The following PCDH7 variants were observed in gnomAD, a reference collection of about 807,000 sequenced individuals.
PCDH7 encodes the protein protocadherin 7, also known as protocadherin-7.
In PCDH7, 17 loss-of-function variants were observed where a neutral mutation model predicts 58.9. The observed-to-expected ratio is 0.29, with a 90% CI of 0.20 to 0.43. The LOEUF is 0.43. PCDH7 is among the 20% of genes least tolerant of loss of function. The probability of loss-of-function intolerance (pLI) is 1.00; values close to 1 mark genes in which losing one functional copy is unlikely to be tolerated. For missense variants in PCDH7, 1,274 were observed against 1,441.0 expected, an observed-to-expected ratio of 0.88 and a Z score of 1.88; for synonymous variants, 664 against 616.4, an observed-to-expected ratio of 1.08 and a Z score of -1.14.
chr4:30,909,315 C>G (rs922189190), intron 1 of PCDH7, among the ~76,000 whole-genome samples: 2 of 152,042 alleles, frequency 1.3e-5, no homozygotes, highest in Non-Finnish European at 1.5e-5. Context: ...AACATAGAAT[C>G]TGAAGTTCTG....
chr4:30,929,372 C>G (rs182649999), intron 2 of PCDH7, among the ~76,000 whole-genome samples: 106 of 152,178 alleles, frequency 7.0e-4, no homozygotes, highest in Admixed American at 2.2e-3. Context: ...TAAATCTTGT[C>G]TCTGATAAAT....
At position 30,944,581 on chromosome 4, in the gene PCDH7, TCAAA is replaced by T. The variant is rs1242018686; in HGVS notation, c.288-5537_288-5534del. On this transcript the variant is annotated intron_variant, in intron 2 of 3. Coordinates refer to the PCDH7 transcript ENST00000509759. ...ATATTTGATTGACAAAACTGAATAA[TCAAA>T]CTAATAAACCAATCCAGTGGGGGAG... is the stretch of plus-strand genomic sequence containing the variant. Among the ~76,000 whole-genome samples the T allele has an allele frequency of 9.9e-5, 15 of 152,206 alleles. No individual in the cohort carries two copies. The East Asian group carries it at 2.9e-3, about 29-fold the overall frequency.
At chr4:31,029,881 C>T (rs556032388) in intron 3 of PCDH7, among the ~76,000 whole-genome samples, 1 of 152,206 alleles carries the variant, frequency 6.6e-6, no homozygotes, top group Non-Finnish European at 1.5e-5. Context: ...CTTGGCAACT[C>T]TGTGGGTTCT....
chr4:30,820,630 G>T (rs1365788524), intron 1 of PCDH7, among the ~76,000 whole-genome samples: 1 of 151,812 alleles, frequency 6.6e-6, no homozygotes, highest in Non-Finnish European at 1.5e-5. Flanking sequence ...AAGGAATGAA[G>T]AAGTTTTGAG....
chr4:31,123,818 G>A (rs1262890050), intron 3 of PCDH7, among the ~76,000 whole-genome samples: 2 of 152,110 alleles, frequency 1.3e-5, no homozygotes, highest in African/African-American at 4.8e-5. Context: ...TGTGATGGGG[G>A]TCTGGAAAGA....
intron 3 of PCDH7, among the ~76,000 whole-genome samples, chr4:31,032,236 T>C (rs1301193629): frequency 6.6e-6 from 1 of 152,230 alleles, no homozygotes; most frequent in African/African-American, 2.4e-5. Flanking sequence ...ATCATACATC[T>C]AGAGAATCCT....
In PCDH7 at chr4:31,020,054, A is replaced by G. The variant is rs2109167394; in HGVS notation, c.*7+69839A>G. On this transcript the variant is annotated intron_variant, in intron 3 of 3. Transcript: ENST00000509759. ...GGTATTAAGGAAAAAATAGAAAAGT[A>G]AATGTATCCATGTGTAAAAACTATA... Among the ~76,000 whole-genome samples the G allele has an allele frequency of 1.3e-5, 2 of 152,300 alleles. 1 individual carries two copies. The highest frequency in any genetic ancestry group is 4.1e-4 in the South Asian group (2 of 4,824).
At chr4:30,873,802 G>T (rs1277980384) in intron 1 of PCDH7, among the ~76,000 whole-genome samples, 1 of 151,670 alleles carries the variant, frequency 6.6e-6, no homozygotes, top group Non-Finnish European at 1.5e-5. Flanking sequence ...AGTTTTGTGG[G>T]TTTGTTGCTT....
chr4:30,769,484 A>T (rs1381648233), intron 1 of PCDH7, among the ~76,000 whole-genome samples: 1 of 152,234 alleles, frequency 6.6e-6, no homozygotes, highest in African/African-American at 2.4e-5. Context: ...CTTCCCAGGT[A>T]GAGACTAAAG....
intron 3 of PCDH7, among the ~76,000 whole-genome samples, chr4:31,077,638 G>T (rs1377508584): frequency 6.6e-6 from 1 of 152,074 alleles, no homozygotes; most frequent in Non-Finnish European, 1.5e-5. Flanking sequence ...TGGAAAGGGA[G>T]GTATGGGAGG....
At chr4:30,815,042 AAAG>A (rs1490164886) in intron 1 of PCDH7, among the ~76,000 whole-genome samples, 1 of 152,170 alleles carries the variant, frequency 6.6e-6, no homozygotes, top group Non-Finnish European at 1.5e-5. Flanking sequence ...TATTAATAAA[AAAG>A]AGAATACAGC....
intron 3 of PCDH7, among the ~76,000 whole-genome samples, chr4:30,984,814 A>G (rs1186886671): frequency 6.6e-6 from 1 of 152,196 alleles, no homozygotes; most frequent in African/African-American, 2.4e-5. Flanking sequence ...TATCTTAGAG[A>G]AAGAAAGCCA....
chr4:30,898,728 C>T (rs1215035488), intron 1 of PCDH7, among the ~76,000 whole-genome samples: 2 of 152,110 alleles, frequency 1.3e-5, no homozygotes, highest in African/African-American at 4.8e-5. Flanking sequence ...GTAGCTGGGA[C>T]TACAGGCGCC....
At chr4:30,861,888 C>T (rs1330228014) in intron 1 of PCDH7, among the ~76,000 whole-genome samples, 1 of 152,006 alleles carries the variant, frequency 6.6e-6, no homozygotes, top group Non-Finnish European at 1.5e-5. Flanking sequence ...CTTTGTTCCC[C>T]CCAGGTTAAA....
At chr4:30,788,894 C>G (rs1054282198) in intron 1 of PCDH7, among the ~76,000 whole-genome samples, 2 of 152,074 alleles carry the variant, frequency 1.3e-5, no homozygotes, top group Non-Finnish European at 2.9e-5. Context: ...AATTTTAAGT[C>G]TTAACTTCAA....
intron 1 of PCDH7, among the ~76,000 whole-genome samples, chr4:30,916,283 C>T (rs1206484184): frequency 1.3e-5 from 2 of 152,198 alleles, no homozygotes; most frequent in African/African-American, 4.8e-5. Flanking sequence ...GCATAATCTT[C>T]TGCCTTCAAC....
intron 1 of PCDH7, among the ~76,000 whole-genome samples, chr4:30,891,856 A>G (rs571897482): frequency 2.4e-4 from 36 of 151,486 alleles, no homozygotes; most frequent in Non-Finnish European, 4.6e-4. Flanking sequence ...CATGGGGGTG[A>G]TGCCTTTTTG....
At position 30,722,397 on chromosome 4, in the gene PCDH7, C is replaced by A; in HGVS notation, c.975C>A (p.Thr325=). Residue 325 remains threonine, a synonymous_variant, in exon 1 of 2, where the codon ACC becomes ACA. Transcript: ENST00000361762. The surrounding 1 kb of genome is among the most constrained non-coding windows in gnomAD (Gnocchi z 7.6). ...TGGCTGAGAACAGCGCCCCGGGGAC[C>A]CCCATCCTGCAACTGCGCGCAGCCG... 4.3e-6 allele frequency: 7 copies of A among 1,612,644 alleles called. No individual in the cohort carries two copies. The highest frequency in any genetic ancestry group is 5.9e-6 in the Non-Finnish European group (7 of 1,179,914).
chr4:31,034,711 T>A (rs1201686434), intron 3 of PCDH7, among the ~76,000 whole-genome samples: 1 of 152,206 alleles, frequency 6.6e-6, no homozygotes, highest in Non-Finnish European at 1.5e-5. Context: ...TATCCTATAA[T>A]CTCGCCGTCT....
Sources: allele counts gnomAD v4.1 joint callset (sites outside exome capture counted in the v4.1 genomes callset), GRCh38; gene constraint gnomAD v4.1.1; non-coding constraint Gnocchi (gnomAD v3.1); transcripts MANE v1.5; gene names NCBI Gene and HGNC (gene_info 2026-07-23, HGNC 2026-07-21).